The following CACNA1D variants were observed in gnomAD, a reference collection of about 807,000 sequenced individuals.
The protein encoded by CACNA1D is voltage-dependent L-type calcium channel subunit alpha-1D.
A neutral mutation model predicts 257.1 loss-of-function variants in CACNA1D; 55 were observed. That is an observed-to-expected ratio of 0.21 (90% CI 0.17 to 0.27). The LOEUF (loss-of-function observed/expected upper bound fraction) is 0.27, where lower values mean the gene tolerates loss of function less well. Ranked by LOEUF, CACNA1D falls within the 10% of genes least tolerant of loss-of-function variation. The pLI is 1.00. For missense variants in CACNA1D, 1,876 were observed against 2,784.0 expected (o/e 0.67, Z 7.34); for synonymous variants, 980 against 1,014.9 (o/e 0.97, Z 0.65).
chr3:53,614,700 C>T (rs2093618483), intron 3 of CACNA1D, among the ~76,000 whole-genome samples: 1 of 152,222 alleles, frequency 6.6e-6, no homozygotes, highest in Non-Finnish European at 1.5e-5. Flanking sequence ...ATAACTGGTA[C>T]ACCTCATGGC....
At chr3:53,742,647 C>G (rs1455217175) in intron 21 of CACNA1D, among the ~76,000 whole-genome samples, 2 of 152,206 alleles carry the variant, frequency 1.3e-5, no homozygotes, top group Non-Finnish European at 2.9e-5. Flanking sequence ...GGGCCAGAAC[C>G]AGCACTTTGT....
chr3:53,614,272 G>A (rs1451181198), intron 3 of CACNA1D, among the ~76,000 whole-genome samples: 1 of 152,180 alleles, frequency 6.6e-6, no homozygotes, highest in Non-Finnish European at 1.5e-5. Context: ...AATTGTTTTT[G>A]TGTCATGAGG....
rs1433178624 is a variant in CACNA1D, at chr3:53,731,162, T to C, written c.2406+16T>C. 11 of 1,550,792 alleles carry C rather than the reference T, an allele frequency of 7.1e-6. No individual in the cohort carries two copies. The highest frequency in any genetic ancestry group is 8.9e-6 in the Non-Finnish European group (10 of 1,122,498). On this transcript the variant is annotated intron_variant, in intron 17 of 47. Transcript: ENST00000350061. ...TGACAACAAGGTATGTATTCTAAGA[T>C]GCTTCTCCCCTTTTTGTTTCAAAAT...
intron 3 of CACNA1D, among the ~76,000 whole-genome samples, chr3:53,643,057 A>AG (rs1253231308): frequency 2.0e-5 from 3 of 152,322 alleles, no homozygotes; most frequent in Middle Eastern, 3.4e-3. Context: ...GGGAATCAGG[A>AG]GGGGTAAATG....
At chr3:53,699,688 A>G (rs77682645) in intron 8 of CACNA1D, among the ~76,000 whole-genome samples, 6,568 of 152,302 alleles carry the variant, frequency 0.043, 465 homozygotes, top group African/African-American at 0.15. Context: ...ATCAATAAAT[A>G]ATACCTTCCT....
intron 40 of CACNA1D, among the ~76,000 whole-genome samples, chr3:53,792,853 C>T (rs1332633169): frequency 6.6e-6 from 1 of 152,174 alleles, no homozygotes; most frequent in African/African-American, 2.4e-5. Context: ...CTGCTGTCCT[C>T]ATTATGGAAA....
chr3:53,522,140 A>C (rs895922294), intron 3 of CACNA1D, among the ~76,000 whole-genome samples: 1 of 152,086 alleles, frequency 6.6e-6, no homozygotes, highest in Non-Finnish European at 1.5e-5. Context: ...TGGGGGAAAA[A>C]AAACCACATT....
At chr3:53,691,688 G>A (rs6445594) in intron 8 of CACNA1D, among the ~76,000 whole-genome samples, 82,023 of 123,560 alleles carry the variant, frequency 0.66, 28,451 homozygotes, top group East Asian at 0.89. Context: ...TATATATATT[G>A]CAGATATATA....
intron 3 of CACNA1D, among the ~76,000 whole-genome samples, chr3:53,505,120 T>C (rs1439261966): frequency 6.9e-6 from 1 of 145,580 alleles, no homozygotes; most frequent in African/African-American, 2.5e-5. Flanking sequence ...TATTTGTTTT[T>C]TTTTTTTTTT....
chr3:53,627,528 C>G (rs1258366789), intron 3 of CACNA1D, among the ~76,000 whole-genome samples: 1 of 149,374 alleles, frequency 6.7e-6, no homozygotes, highest in Non-Finnish European at 1.5e-5. Flanking sequence ...GGACCTCCCT[C>G]TAGCTGTTAT....
intron 3 of CACNA1D, among the ~76,000 whole-genome samples, chr3:53,613,460 C>T (rs1390157554): frequency 6.6e-6 from 1 of 152,166 alleles, no homozygotes; most frequent in Non-Finnish European, 1.5e-5. Context: ...TCTGGAGCCA[C>T]ATCTGACTCT....
chr3:53,769,581 T>G (rs903919758), intron 30 of CACNA1D, among the ~76,000 whole-genome samples: 11 of 152,166 alleles, frequency 7.2e-5, no homozygotes, highest in Admixed American at 7.2e-4. Flanking sequence ...GACATTCTGT[T>G]CCTCGGGGCT....
At chr3:53,784,205 A>T (rs911318519) in intron 39 of CACNA1D, among the ~76,000 whole-genome samples, 1 of 151,886 alleles carries the variant, frequency 6.6e-6, no homozygotes, top group Admixed American at 6.6e-5. Context: ...TCAGGTTCTC[A>T]CCTCTGCTCT....
intron 29 of CACNA1D, among the ~76,000 whole-genome samples, chr3:53,759,328 A>G (rs1350961796): frequency 6.6e-6 from 1 of 152,232 alleles, no homozygotes; most frequent in African/African-American, 2.4e-5. Context: ...ATAATTCTGG[A>G]GAGAGGGAGA....
chr3:53,804,878 T>C, intron 44 of CACNA1D, 105 bp from the exon 45 acceptor site: 2 of 1,066,376 alleles, frequency 1.9e-6, no homozygotes, highest in Admixed American at 3.4e-5. Flanking sequence ...AATCCTACTG[T>C]GTCCAAGGGA....
intron 9 of CACNA1D, among the ~76,000 whole-genome samples, chr3:53,705,386 T>C (rs2094676383): frequency 6.6e-6 from 1 of 152,120 alleles, no homozygotes; most frequent in Non-Finnish European, 1.5e-5. Context: ...AAACAAAACC[T>C]GTTTAAAAGC....
At chr3:53,691,236 T>C (rs2094516685) in intron 8 of CACNA1D, among the ~76,000 whole-genome samples, 1 of 151,222 alleles carries the variant, frequency 6.6e-6, no homozygotes, top group Admixed American at 6.6e-5. Flanking sequence ...GCCTCCTGGG[T>C]TCAAGAGATT....
At chr3:53,797,656 A>G (rs1312762103) in intron 40 of CACNA1D, 2 of 152,216 alleles carry the variant, frequency 1.3e-5, no homozygotes, top group African/African-American at 4.8e-5. Context: ...ATCACTGAAG[A>G]TGTGCTGGAG....
At chr3:53,691,983 A>C (rs943914918) in intron 8 of CACNA1D, among the ~76,000 whole-genome samples, 1 of 118,526 alleles carries the variant, frequency 8.4e-6, no homozygotes, top group African/African-American at 3.2e-5. Flanking sequence ...TTTGTTTATC[A>C]ATGGCACGAT....
Sources: gnomAD v4.1 joint callset for allele counts (sites outside exome capture counted in the v4.1 genomes callset) on GRCh38, gnomAD v4.1.1 for gene constraint, MANE v1.5 for transcripts, NCBI Gene and HGNC (gene_info 2026-07-23, HGNC 2026-07-21) for gene names.